ARHGAP26: variants seen among roughly 807,000 people sequenced by gnomAD.
ARHGAP26 encodes Rho GTPase activating protein 26, also known as rho GTPase-activating protein 26.
Under a neutral mutation model 104.8 loss-of-function variants are expected in ARHGAP26, and 38 were observed. The observed-to-expected ratio is 0.36, with a 90% CI of 0.28 to 0.48. The LOEUF is 0.48. ARHGAP26 is among the 20% of genes least tolerant of loss of function. The pLI, the probability that ARHGAP26 is intolerant of heterozygous loss-of-function variation, is 0.99. For missense variants in ARHGAP26, 704 were observed against 947.9 expected (o/e 0.74, Z 3.38); for synonymous variants, 341 against 340.0 (o/e 1.00, Z -0.03).
rs547368122 is a variant in ARHGAP26 at position 143,065,748 on chromosome 5, G to A, written c.1538+8001G>A. Among the ~76,000 whole-genome samples the A allele has an allele frequency of 2.6e-5, 4 of 152,206 alleles. No homozygotes were observed. In the South Asian group the frequency reaches 8.3e-4, roughly 32 times the overall value. ...TGGTAGCCTGGAGCCTCATGCCTGC[G>A]TTTCTTACCTCCCACCCTAGGGAGG... On this transcript the variant is annotated intron_variant, in intron 17 of 22. Transcript: ENST00000645722.
chr5:142,852,624 G>T (rs1352744240), intron 1 of ARHGAP26, among the ~76,000 whole-genome samples: 2 of 152,132 alleles, frequency 1.3e-5, no homozygotes. Context: ...ATGCATTTTG[G>T]CTGCTTGCTG....
At chr5:142,928,371 C>T (rs712168) in intron 10 of ARHGAP26, among the ~76,000 whole-genome samples, 51,150 of 151,812 alleles carry the variant, frequency 0.34, 9,511 homozygotes, top group East Asian at 0.77. Flanking sequence ...TGGATTAGCT[C>T]GTTGCCTAGA....
intron 1 of ARHGAP26, among the ~76,000 whole-genome samples, chr5:142,776,632 C>T (rs1756377018): frequency 6.6e-6 from 1 of 152,132 alleles, no homozygotes; most frequent in Admixed American, 6.5e-5. Flanking sequence ...AGTTGTTTAT[C>T]CATTCACCAG....
At chr5:143,006,485 G>C (rs939714500) in intron 11 of ARHGAP26, among the ~76,000 whole-genome samples, 4 of 152,118 alleles carry the variant, frequency 2.6e-5, no homozygotes, top group East Asian at 3.9e-4. Flanking sequence ...CGGTCTTTGG[G>C]AAGTGCCATC....
chr5:143,157,993 A>G (rs946180273), intron 20 of ARHGAP26, among the ~76,000 whole-genome samples: 3 of 152,232 alleles, frequency 2.0e-5, no homozygotes, highest in Admixed American at 1.3e-4. Context: ...ACCTACTTTC[A>G]AGGTTATAAG....
chr5:142,822,453 G>A (rs1766385818), intron 1 of ARHGAP26, among the ~76,000 whole-genome samples: 2 of 152,134 alleles, frequency 1.3e-5, no homozygotes, highest in African/African-American at 4.8e-5. Flanking sequence ...CTCTGTGAGT[G>A]TGTTGGCAAG....
chr5:143,016,963 A>C (rs933458535), intron 12 of ARHGAP26, among the ~76,000 whole-genome samples: 35 of 152,118 alleles, frequency 2.3e-4, no homozygotes, highest in African/African-American at 8.5e-4. Context: ...CTCATCTACC[A>C]CAGGTGGCGC....
In ARHGAP26 at chr5:143,227,658, G is replaced by A. The variant is rs1811773931; in HGVS notation, c.*5212G>A. The A allele has an allele frequency of 4.4e-6, 1 of 229,040 alleles. No individual in the cohort carries two copies. The highest frequency in any genetic ancestry group is 8.7e-6 in the Non-Finnish European group (1 of 115,448). 14.2% of individuals were successfully genotyped at this position (229,040 alleles called of 1,614,324 possible). On this transcript the variant is annotated 3_prime_UTR_variant, in exon 23 of 23. Coordinates refer to ENST00000645722, the MANE Select transcript of ARHGAP26 (RefSeq NM_001135608.3). ...TAACTAAAGAGCTTCCCAAAGTGGA[G>A]GGAAAGGCCATAGAATCCAGGTGTC... is the stretch of plus-strand genomic sequence containing the variant.
At chr5:142,836,833 A>T (rs1597839602) in intron 1 of ARHGAP26, among the ~76,000 whole-genome samples, 1 of 152,232 alleles carries the variant, frequency 6.6e-6, no homozygotes, top group Admixed American at 6.5e-5. Context: ...AAACAGTTTT[A>T]TGAGATTGGT....
chr5:143,207,131 G>C (rs1256318572), intron 20 of ARHGAP26, 67 bp from the exon 21 acceptor site: 17 of 1,565,750 alleles, frequency 1.1e-5, no homozygotes, highest in Non-Finnish European at 1.5e-5. Context: ...GGCCTCCCAT[G>C]ACCTCCTGTG....
chr5:142,884,333 A>C (rs758050689), intron 4 of ARHGAP26, among the ~76,000 whole-genome samples: 2 of 152,224 alleles, frequency 1.3e-5, no homozygotes, highest in Non-Finnish European at 2.9e-5. Flanking sequence ...TTTTCTTATC[A>C]GTCAAATGGG....
chr5:143,115,688 G>C (rs992390269), intron 17 of ARHGAP26, among the ~76,000 whole-genome samples: 1 of 152,088 alleles, frequency 6.6e-6, no homozygotes, highest in African/African-American at 2.4e-5. Context: ...ATTATTTCAT[G>C]CTAAGGGATT....
At chr5:142,949,845 TG>T (rs1187202158) in intron 11 of ARHGAP26, among the ~76,000 whole-genome samples, 3 of 152,240 alleles carry the variant, frequency 2.0e-5, no homozygotes, top group Non-Finnish European at 4.4e-5. Context: ...TGTTGGCATA[TG>T]GACTTGCTAA....
chr5:143,185,087 G>C (rs1459799800), intron 20 of ARHGAP26, among the ~76,000 whole-genome samples: 1 of 152,134 alleles, frequency 6.6e-6, no homozygotes, highest in Non-Finnish European at 1.5e-5. Flanking sequence ...ACACAGCCAT[G>C]AACTACAATG....
At chr5:142,944,960 A>G (rs1028634938) in intron 11 of ARHGAP26, among the ~76,000 whole-genome samples, 1 of 152,078 alleles carries the variant, frequency 6.6e-6, no homozygotes, top group African/African-American at 2.4e-5. Context: ...TCAGATTTGG[A>G]GCAGTGAGCA....
chr5:143,103,793 C>G (rs952512157), intron 17 of ARHGAP26, among the ~76,000 whole-genome samples: 2 of 152,030 alleles, frequency 1.3e-5, no homozygotes, highest in Non-Finnish European at 2.9e-5. Flanking sequence ...CGGGACCTAA[C>G]AGGGGGTAGG....
Position 142,885,390 on chromosome 5 carries a change from G to T in ARHGAP26, c.477G>T (p.Gln159His). Residue 159 changes from glutamine (Q) to histidine (H), a missense_variant, in exon 5 of 23, where the codon CAG becomes CAT. By Grantham distance (24) the Gln-to-His change is conservative. This residue lies in a region of ARHGAP26 where 106 missense variants were observed against 120.5 expected (regional missense o/e 0.88). Transcript: ENST00000645722. Reference sequence around the variant, plus strand: ...TGTCTTCCAAAAAGAAAGAATCTCAGCTTCAGGAGGTAAGAGACTTTATTA... The same window carrying T: ...TGTCTTCCAAAAAGAAAGAATCTCATCTTCAGGAGGTAAGAGACTTTATTA... ...LNLSSKKKES[Q>H]LQEADSQVDL... The T allele has an allele frequency of 6.2e-7, 1 of 1,612,760 alleles. No individual in the cohort carries two copies. Among genetic ancestry groups the T allele is most frequent in the Non-Finnish European group, 8.5e-7 (1 of 1,179,122 alleles).
rs1016354675 is a variant in ARHGAP26 at position 143,094,896 on chromosome 5, T to A, written c.1539-26092T>A. ...GTAATCGGAATGAGTCAGGGTGGAG[T>A]AGGTAATCAAAAAAGGTTGCTTTAA... On this transcript the variant is annotated intron_variant, in intron 17 of 22. Coordinates refer to ENST00000645722, the MANE Select transcript of ARHGAP26 (RefSeq NM_001135608.3). Among the ~76,000 whole-genome samples the A allele has an allele frequency of 2.0e-5, 3 of 151,408 alleles. No homozygotes were observed. In the South Asian group the frequency reaches 6.3e-4, roughly 32 times the overall value.
At chr5:143,072,626 A>T (rs565006775) in intron 17 of ARHGAP26, among the ~76,000 whole-genome samples, 8 of 152,274 alleles carry the variant, frequency 5.3e-5, no homozygotes, top group Non-Finnish European at 1.0e-4. Context: ...ACTGAAGAAC[A>T]TTATACTAAG....
Sources: gnomAD v4.1 joint callset for allele counts (sites outside exome capture counted in the v4.1 genomes callset) on GRCh38, gnomAD v4.1.1 for gene constraint, gnomAD v4.1.1 regional missense constraint, MANE v1.5 for transcripts, NCBI Gene and HGNC (gene_info 2026-07-23, HGNC 2026-07-21) for gene names.